The following ATRN variants were observed in gnomAD, a reference collection of about 807,000 sequenced individuals.
ATRN encodes attractin-2.
Under a neutral mutation model 178.7 loss-of-function variants are expected in ATRN, and 54 were observed. The observed-to-expected ratio is 0.30, with a 90% CI of 0.24 to 0.38. The LOEUF (loss-of-function observed/expected upper bound fraction) is 0.38, where lower values mean the gene tolerates loss of function less well. Ranked by LOEUF, ATRN falls within the 10% of genes least tolerant of loss-of-function variation. The probability of loss-of-function intolerance (pLI) is 1.00; values close to 1 mark genes in which losing one functional copy is unlikely to be tolerated. For missense variants in ATRN, 1,443 were observed against 1,815.1 expected (o/e 0.79, Z 3.73); for synonymous variants, 636 against 663.0 (o/e 0.96, Z 0.63).
chr20:3,616,785 G>C (rs2086851187), intron 24 of ATRN, among the ~76,000 whole-genome samples: 1 of 152,144 alleles, frequency 6.6e-6, no homozygotes. Flanking sequence ...GGAGGACTTA[G>C]GAGGTCCAGG....
chr20:3,577,143 TG>T (rs2086224134), intron 14 of ATRN, 146 bp downstream of exon 14: 2 of 995,056 alleles, frequency 2.0e-6, no homozygotes, highest in Non-Finnish European at 2.8e-6. Flanking sequence ...TGGGCTTTTT[TG>T]TTTTTAACTA....
At chr20:3,545,681 T>G in intron 3 of ATRN, 81 bp from the exon 4 acceptor site, 2 of 1,542,098 alleles carry the variant, frequency 1.3e-6, no homozygotes, top group Non-Finnish European at 8.8e-7. Flanking sequence ...TAAGGACGGA[T>G]TTGTTTTTAA....
intron 1 of ATRN, among the ~76,000 whole-genome samples, chr20:3,482,807 A>G (rs757155604): frequency 6.6e-6 from 1 of 152,228 alleles, no homozygotes; most frequent in Non-Finnish European, 1.5e-5. Context: ...GACAAAATGT[A>G]TAACTCATTT....
intron 1 of ATRN, among the ~76,000 whole-genome samples, chr20:3,515,214 G>T (rs1021293603): frequency 6.6e-6 from 1 of 152,158 alleles, no homozygotes; most frequent in African/African-American, 2.4e-5. Context: ...CAGATGTTAT[G>T]CTTGCATTAT....
Position 3,651,016 on chromosome 20 carries a change from A to G in ATRN, c.*4169A>G, listed in dbSNP as rs987235377. Reference sequence around the variant, plus strand: ...TAAGCAGGAACAAGAGAACTAAGGGAGGTCTGTGCATTTTAAACACAAATG... The same window carrying G: ...TAAGCAGGAACAAGAGAACTAAGGGGGGTCTGTGCATTTTAAACACAAATG... On this transcript the variant is annotated 3_prime_UTR_variant, in exon 29 of 29. Transcript: ENST00000262919. 4 of 152,654 alleles carry G rather than the reference A, an allele frequency of 2.6e-5. No individual in the cohort carries two copies. The highest frequency in any genetic ancestry group is 2.0e-4 in the Admixed American group (3 of 15,284). 9.5% of individuals were successfully genotyped at this position (152,654 alleles called of 1,614,324 possible).
chr20:3,490,868 A>T, intron 1 of ATRN: 1 of 884,256 alleles, frequency 1.1e-6, no homozygotes, highest in Non-Finnish European at 1.9e-6. Flanking sequence ...TGACCTCCAT[A>T]TACCTATCTT....
chr20:3,568,448 G>A (rs2086069615), intron 11 of ATRN, among the ~76,000 whole-genome samples: 1 of 152,130 alleles, frequency 6.6e-6, no homozygotes, highest in African/African-American at 2.4e-5. Context: ...AGGAGTTTGA[G>A]GCTGCAGTGA....
In ATRN at chr20:3,632,138, T is replaced by C. The variant is rs564952219; in HGVS notation, c.3864-2173T>C. On this transcript the variant is annotated intron_variant, in intron 25 of 28. Transcript: ENST00000262919. The surrounding 1 kb of genome is among the most constrained non-coding windows in gnomAD (Gnocchi z 4.2). ...TCTCCCCTGGGCTGTCCGGTAGATATCTCAGGGTTCTGCATGTCTAAAATG... is the reference window on the plus strand; with the variant it reads ...TCTCCCCTGGGCTGTCCGGTAGATACCTCAGGGTTCTGCATGTCTAAAATG... 4.6e-5 allele frequency among the ~76,000 whole-genome samples: 7 copies of C among 152,266 alleles called. No homozygotes were observed. Among genetic ancestry groups the C allele is most frequent in the African/African-American group, 1.2e-4 (5 of 41,550 alleles).
rs547375069 is a variant in ATRN, at chr20:3,551,494, T to C, written c.1112+2156T>C. Among the ~76,000 whole-genome samples the C allele has an allele frequency of 2.0e-3, 303 of 152,254 alleles. 1 individual carries two copies. The highest frequency in any genetic ancestry group is 7.1e-3 in the African/African-American group (293 of 41,538). On this transcript the variant is annotated intron_variant, in intron 6 of 28. Transcript: ENST00000262919. ...CACTTCCTGATGTTTGTCAAAAGAG[T>C]ATTCCCTCAGTAAATCACTTGTACA... is the stretch of plus-strand genomic sequence containing the variant.
At chr20:3,552,419 C>G (rs1212207227) in intron 6 of ATRN, among the ~76,000 whole-genome samples, 1 of 76,560 alleles carries the variant, frequency 1.3e-5, no homozygotes, top group Non-Finnish European at 2.7e-5. Flanking sequence ...CAAGGCTGCT[C>G]TTCCCCCAGA....
intron 1 of ATRN, among the ~76,000 whole-genome samples, chr20:3,521,904 C>T (rs2085301462): frequency 6.6e-6 from 1 of 152,114 alleles, no homozygotes; most frequent in East Asian, 1.9e-4. Flanking sequence ...ACCTCAGCCT[C>T]CTGAGTAGCT....
intron 1 of ATRN, chr20:3,490,231 C>A: frequency 6.6e-7 from 1 of 1,516,270 alleles, no homozygotes; most frequent in East Asian, 2.3e-5. Context: ...GAGCAGATTT[C>A]AATCTGTCCA....
At chr20:3,565,210 A>C in intron 10 of ATRN, 138 bp from the exon 11 acceptor site, 1 of 648,804 alleles carries the variant, frequency 1.5e-6, no homozygotes, top group Non-Finnish European at 2.6e-6. Flanking sequence ...TTAACCCAGA[A>C]ATGATGTTGT....
chr20:3,630,543 T>C (rs2086981801), intron 25 of ATRN, among the ~76,000 whole-genome samples: 1 of 152,162 alleles, frequency 6.6e-6, no homozygotes, highest in Admixed American at 6.5e-5. Flanking sequence ...CCAGTAGACA[T>C]CCTTAAATTC....
intron 3 of ATRN, among the ~76,000 whole-genome samples, chr20:3,540,775 C>A (rs773175221): frequency 6.6e-6 from 1 of 150,990 alleles, no homozygotes; most frequent in Non-Finnish European, 1.5e-5. Context: ...TAATTGTGTG[C>A]GTGTGTGTGT....
intron 1 of ATRN, among the ~76,000 whole-genome samples, chr20:3,507,474 G>A (rs2085062493): frequency 6.6e-6 from 1 of 151,366 alleles, no homozygotes; most frequent in Admixed American, 6.6e-5. Flanking sequence ...ATACCGAAAA[G>A]AGTTTGAATG....
In ATRN at chr20:3,597,922, C is replaced by G. The variant is rs753468572; in HGVS notation, c.3486C>G (p.Asp1162Glu). The stretch of plus-strand genomic sequence containing the variant: ...TTTCCATAGATACTCTTCTTATTGA[C>G]TATCAGTTCACCTTTAGTCTATCCC... Reference protein sequence around the residue: ...RGTCYYTLLIDYQFTFSLSQE... With the variant: ...RGTCYYTLLIEYQFTFSLSQE... The change falls in exon 22 of 29, where the codon GAC (aspartate) becomes GAG (glutamate). Residue 1162 changes from aspartate (D) to glutamate (E), a missense_variant. Asp to Glu is a conservative substitution (Grantham distance 45). Transcript: ENST00000262919. The G allele has an allele frequency of 6.2e-7, 1 of 1,602,882 alleles. No homozygotes were observed. Among genetic ancestry groups the G allele is most frequent in the South Asian group, 1.1e-5 (1 of 90,566 alleles).
rs532390944 is a variant in ATRN at position 3,637,166 on chromosome 20, C to T, written c.3943-1662C>T. Among the ~76,000 whole-genome samples, 110 of 152,342 alleles carry T rather than the reference C, an allele frequency of 7.2e-4. No homozygotes were observed. In the South Asian group the frequency reaches 0.022, roughly 30 times the overall value. ...TTTACCCGTGTGATTTGGAATTTCT[C>T]TGTAACTGTGAAGCTGACCATTCAG... On this transcript the variant is annotated intron_variant, in intron 26 of 28. Coordinates refer to ENST00000262919, the MANE Select transcript of ATRN (RefSeq NM_139321.3).
chr20:3,629,483 G>A (rs2086973471), intron 25 of ATRN, among the ~76,000 whole-genome samples: 1 of 151,792 alleles, frequency 6.6e-6, no homozygotes, highest in South Asian at 2.1e-4. Context: ...TACCTTGCTT[G>A]ATTTTTCCAG....
Sources: allele counts gnomAD v4.1 joint callset (sites outside exome capture counted in the v4.1 genomes callset), GRCh38; gene constraint gnomAD v4.1.1; non-coding constraint Gnocchi (gnomAD v3.1); transcripts MANE v1.5; gene names NCBI Gene and HGNC (gene_info 2026-07-23, HGNC 2026-07-21).